Variants in ZNF215 observed in about 807,000 individuals in gnomAD.
ZNF215 encodes the protein BWSCR2-associated zinc finger protein 2.
Under a neutral mutation model 27.2 loss-of-function variants are expected in ZNF215, and 24 were observed. The observed-to-expected ratio is 0.88, with a 90% CI of 0.64 to 1.24. ZNF215 has a LOEUF of 1.24. ZNF215 is among the 50% of genes most tolerant of loss of function. ZNF215 has a pLI of 0.00. For synonymous variants in ZNF215, 210 were observed against 204.0 expected (o/e 1.03, Z -0.25); for missense variants, 675 against 605.7 (o/e 1.11, Z -1.20).
chr11:6,944,280 G>C (rs1181441169), intron 6 of ZNF215, among the ~76,000 whole-genome samples: 1 of 152,020 alleles, frequency 6.6e-6, no homozygotes, highest in East Asian at 1.9e-4. Flanking sequence ...ATGGTACATG[G>C]TAAGTGCTAC....
chr11:6,981,795 A>T (rs533250616), intron 5 of ZNF215, among the ~76,000 whole-genome samples: 1 of 152,142 alleles, frequency 6.6e-6, no homozygotes, highest in Non-Finnish European at 1.5e-5. Flanking sequence ...ATAAGGTGTA[A>T]GGAAGGGATC....
downstream of ZNF215, among the ~76,000 whole-genome samples, chr11:6,992,773 C>T (rs1470309872): frequency 3.3e-5 from 5 of 151,968 alleles, no homozygotes; most frequent in African/African-American, 2.4e-5. Flanking sequence ...GGACATCTGA[C>T]CCAGGTTAAG....
chr11:6,980,129 G>T (rs1330361754), intron 5 of ZNF215, among the ~76,000 whole-genome samples: 1 of 151,984 alleles, frequency 6.6e-6, no homozygotes, highest in African/African-American at 2.4e-5. Context: ...CAATCAATCA[G>T]TTAACAAATC....
chr11:6,954,442 C>T (rs1472939199), intron 6 of ZNF215, among the ~76,000 whole-genome samples: 8 of 152,228 alleles, frequency 5.3e-5, no homozygotes, highest in Non-Finnish European at 7.3e-5. Flanking sequence ...TGGGCAATGG[C>T]GGGAGCCCCT....
intron 6 of ZNF215, among the ~76,000 whole-genome samples, chr11:6,946,450 A>C (rs905808711): frequency 6.6e-6 from 1 of 152,168 alleles, no homozygotes; most frequent in Non-Finnish European, 1.5e-5. Flanking sequence ...AAGCATCTAT[A>C]TACTGTGTCC....
chr11:6,973,600 G>A lies in ZNF215; in HGVS notation c.806-10529G>A, dbSNP rs1397069936. ...TAATGATCGCCATTCTAACTGGTGT[G>A]AGATGGTATCTCATTGTGGTTTTGA... On this transcript the variant is annotated intron_variant, in intron 5 of 5. Transcript: ENST00000529903. Among the ~76,000 whole-genome samples the A allele has an allele frequency of 5.3e-5, 8 of 152,328 alleles. No homozygotes were observed. The South Asian group carries it at 1.5e-3, about 28-fold the overall frequency.
chr11:6,941,951 C>T (rs1034979368), intron 4 of ZNF215, among the ~76,000 whole-genome samples: 4 of 152,086 alleles, frequency 2.6e-5, no homozygotes, highest in African/African-American at 9.7e-5. Context: ...AGAGCAATGT[C>T]GCTTACTAGG....
intron 2 of ZNF215, among the ~76,000 whole-genome samples, chr11:6,928,893 C>T (rs116615681): frequency 0.01 from 1,536 of 152,120 alleles, 28 homozygotes; most frequent in African/African-American, 0.035. Context: ...TCAGGAGGGT[C>T]GTGGATGTCA....
intron 5 of ZNF215, among the ~76,000 whole-genome samples, chr11:6,976,172 C>T (rs1047311575): frequency 2.0e-5 from 3 of 151,912 alleles, no homozygotes; most frequent in Admixed American, 6.6e-5. Flanking sequence ...AATCATTTGC[C>T]GAGTTTTTGA....
At chr11:6,969,571 T>C (rs1424343162) in intron 5 of ZNF215, among the ~76,000 whole-genome samples, 1 of 124,862 alleles carries the variant, frequency 8.0e-6, no homozygotes. Flanking sequence ...ATTGCATCAG[T>C]AAAGTGAAAA....
In ZNF215 at chr11:6,932,365, G is replaced by C; in HGVS notation, c.93G>C (p.Trp31Cys). 1.2e-6 allele frequency: 2 copies of C among 1,614,152 alleles called. No homozygotes were observed. The highest frequency in any genetic ancestry group is 8.5e-7 in the Non-Finnish European group (1 of 1,180,026). ...QREVLRADMS[W>C]QQETNPVVET... ...AGGTTCTGAGAGCAGATATGTCTTG[G>C]CAGCAGGAAACCAACCCCGTCGTGG... The change falls in exon 3 of 7, where the codon TGG becomes TGC. Residue 31 changes from tryptophan (W) to cysteine (C), a missense_variant. Trp to Cys is a radical substitution (Grantham distance 215). Coordinates refer to ENST00000278319, the MANE Select transcript of ZNF215 (RefSeq NM_013250.4).
At chr11:6,993,007 G>A (rs1010489134), downstream of ZNF215, among the ~76,000 whole-genome samples, 8 of 152,160 alleles carry the variant, frequency 5.3e-5, no homozygotes, top group Admixed American at 1.3e-4. Flanking sequence ...ACATAACAAT[G>A]TATACTTTTA....
chr11:6,952,053 T>A (rs1850092952), intron 6 of ZNF215, among the ~76,000 whole-genome samples: 1 of 152,186 alleles, frequency 6.6e-6, no homozygotes, highest in Non-Finnish European at 1.5e-5. Flanking sequence ...TTTGAGTGAG[T>A]TTCTTAACCC....
At position 6,943,642 on chromosome 11, in the gene ZNF215, G is replaced by C. The variant is rs138660620; in HGVS notation, c.712+1G>C. The stretch of plus-strand genomic sequence containing the variant: ...GAAATACCAAGGAAGACTATTTTTG[G>C]TAAGAACCAGGTAGATATGAGGCCA... On this transcript the variant is annotated splice_donor_variant, in intron 6 of 6. Transcript: ENST00000278319. LOFTEE classifies it high-confidence loss of function. The C allele has an allele frequency of 6.2e-7, 1 of 1,608,644 alleles. No individual in the cohort carries two copies. The highest frequency in any genetic ancestry group is 1.3e-5 in the African/African-American group (1 of 74,822).
chr11:6,969,996 G>A (rs766676028), intron 5 of ZNF215, among the ~76,000 whole-genome samples: 6 of 152,098 alleles, frequency 3.9e-5, no homozygotes, highest in Non-Finnish European at 7.4e-5. Context: ...TGGCCAGGCT[G>A]TTCTCAAACT....
chr11:6,979,896 G>A (rs184861929), intron 5 of ZNF215, among the ~76,000 whole-genome samples: 1 of 152,052 alleles, frequency 6.6e-6, no homozygotes, highest in African/African-American at 2.4e-5. Flanking sequence ...ACTTACAGAT[G>A]TAAAATATTT....
At chr11:6,932,715 C>T (rs2068647232) in intron 3 of ZNF215, 43 bp downstream of exon 3, 1 of 1,530,792 alleles carries the variant, frequency 6.5e-7, no homozygotes, top group Non-Finnish European at 8.8e-7. Context: ...TTGACCTTTC[C>T]CATGTAAAGA....
At chr11:6,935,313 CAT>C (rs767960374) in intron 3 of ZNF215, among the ~76,000 whole-genome samples, 13 of 152,300 alleles carry the variant, frequency 8.5e-5, no homozygotes, top group East Asian at 3.9e-4. Flanking sequence ...TGAAGAATAA[CAT>C]AGAGTTAAAA....
chr11:6,940,787 C>A (rs1246220103), intron 3 of ZNF215, among the ~76,000 whole-genome samples: 1 of 152,144 alleles, frequency 6.6e-6, no homozygotes, highest in Non-Finnish European at 1.5e-5. Context: ...TTTGCCAACT[C>A]TTTTTAAGTA....
Sources: gnomAD v4.1 joint callset for allele counts (sites outside exome capture counted in the v4.1 genomes callset) on GRCh38, gnomAD v4.1.1 for gene constraint, MANE v1.5 for transcripts, NCBI Gene and HGNC (gene_info 2026-07-23, HGNC 2026-07-21) for gene names.